NPAS3: variants seen among roughly 807,000 people sequenced by gnomAD.
NPAS3 encodes the protein neuronal PAS domain protein 3, also known as neuronal PAS domain-containing protein 3.
NPAS3 carries 14 observed loss-of-function variants against 73.1 expected under a neutral mutation model. The observed-to-expected ratio is 0.19, with a 90% CI of 0.13 to 0.30. The LOEUF is 0.30. NPAS3 is among the 10% of genes least tolerant of loss of function. The probability of loss-of-function intolerance (pLI) is 1.00; values close to 1 mark genes in which losing one functional copy is unlikely to be tolerated. For synonymous variants in NPAS3, 620 were observed against 541.5 expected, an observed-to-expected ratio of 1.14 and a Z score of -2.01; for missense variants, 1,096 against 1,250.0, an observed-to-expected ratio of 0.88 and a Z score of 1.86.
intron 1 of NPAS3, among the ~76,000 whole-genome samples, chr14:32,999,315 TC>T (rs2038712040): frequency 6.6e-6 from 1 of 152,120 alleles, no homozygotes; most frequent in Admixed American, 6.6e-5. Context: ...ATTGAGACCA[TC>T]CTGGCTAACA....
chr14:33,548,532 T>C (rs904982464), intron 4 of NPAS3, among the ~76,000 whole-genome samples: 148 of 152,342 alleles, frequency 9.7e-4, no homozygotes, highest in African/African-American at 3.4e-3. Flanking sequence ...ACCTAGATTA[T>C]TGGTACAGCA....
At chr14:33,454,394 G>A (rs1193743442) in intron 4 of NPAS3, among the ~76,000 whole-genome samples, 1 of 152,044 alleles carries the variant, frequency 6.6e-6, no homozygotes, top group African/African-American at 2.4e-5. Flanking sequence ...ACTTTCTGTG[G>A]CCCAACCATA....
intron 5 of NPAS3, among the ~76,000 whole-genome samples, chr14:33,648,285 C>T (rs1416484138): frequency 6.6e-6 from 1 of 152,192 alleles, no homozygotes; most frequent in African/African-American, 2.4e-5. Flanking sequence ...CATTCCATTT[C>T]AAATTGCTAC....
At chr14:33,345,894 T>C (rs974412896) in intron 3 of NPAS3, among the ~76,000 whole-genome samples, 1 of 152,180 alleles carries the variant, frequency 6.6e-6, no homozygotes, top group Non-Finnish European at 1.5e-5. Flanking sequence ...AAATTGATCA[T>C]TATCATCATC....
chr14:33,220,194 C>T (rs2047373405), intron 3 of NPAS3, among the ~76,000 whole-genome samples: 1 of 152,184 alleles, frequency 6.6e-6, no homozygotes, highest in Non-Finnish European at 1.5e-5. Flanking sequence ...TCAGTTCTTG[C>T]TTGACTCCTC....
At chr14:33,219,680 T>A (rs1226837915) in intron 3 of NPAS3, among the ~76,000 whole-genome samples, 1 of 152,192 alleles carries the variant, frequency 6.6e-6, no homozygotes, top group African/African-American at 2.4e-5. Flanking sequence ...ACATATTAGC[T>A]ATCCCTAGCC....
In NPAS3 at chr14:33,353,140, G is replaced by C. The variant is rs112281313; in HGVS notation, c.386-14046G>C. Among the ~76,000 whole-genome samples, 1,264 of 143,910 alleles carry C rather than the reference G, an allele frequency of 8.8e-3. 11 individuals carry two copies. The highest frequency in any genetic ancestry group is 0.031 in the African/African-American group (1,187 of 37,844). 94.4% of individuals were successfully genotyped at this position (143,910 alleles called of 152,430 possible). A position where few individuals can be genotyped will look rare whatever the true frequency, so the allele number is the denominator to read the frequency against. ...AGAAAGTTCAACCTCAGTGATGATG[G>C]AGGCAATGGCTTCTGTAAAAAAAAA... On this transcript the variant is annotated intron_variant, in intron 3 of 11. Coordinates refer to ENST00000356141, the Ensembl canonical transcript of NPAS3.
At chr14:33,301,099 C>G (rs2042511806) in intron 3 of NPAS3, among the ~76,000 whole-genome samples, 1 of 151,644 alleles carries the variant, frequency 6.6e-6, no homozygotes, top group Non-Finnish European at 1.5e-5. Context: ...CCTGGAGCAG[C>G]AGCTCCCAGA....
intron 3 of NPAS3, among the ~76,000 whole-genome samples, chr14:33,233,763 C>T (rs1027979974): frequency 6.6e-6 from 1 of 152,102 alleles, no homozygotes. Flanking sequence ...CTTAAGGGAA[C>T]TCAGTATTCG....
intron 2 of NPAS3, among the ~76,000 whole-genome samples, chr14:33,077,447 A>G (rs971752846): frequency 2.6e-5 from 4 of 152,128 alleles, no homozygotes; most frequent in Non-Finnish European, 4.4e-5. Context: ...ATTCTATTTT[A>G]TATTCTACTT....
intron 5 of NPAS3, among the ~76,000 whole-genome samples, chr14:33,573,393 T>C (rs2056306700): frequency 6.6e-6 from 1 of 152,152 alleles, no homozygotes; most frequent in Non-Finnish European, 1.5e-5. Flanking sequence ...GACCTACAAG[T>C]AGTAAGTCTC....
At chr14:32,939,569 G>A (rs1230577832) in intron 1 of NPAS3, among the ~76,000 whole-genome samples, 3 of 144,314 alleles carry the variant, frequency 2.1e-5, no homozygotes, top group African/African-American at 5.1e-5. Flanking sequence ...GGCGGCGGCC[G>A]GGCTCTCTGA....
At chr14:33,123,037 G>T (rs556579563) in intron 2 of NPAS3, among the ~76,000 whole-genome samples, 1 of 152,060 alleles carries the variant, frequency 6.6e-6, no homozygotes, top group South Asian at 2.1e-4. Context: ...GGAAATACTG[G>T]CCGGACTGTC....
chr14:33,625,724 C>T (rs1227886079), intron 5 of NPAS3, among the ~76,000 whole-genome samples: 3 of 152,082 alleles, frequency 2.0e-5, no homozygotes, highest in Non-Finnish European at 4.4e-5. Context: ...TAGTTCTTCA[C>T]CAAAGGTAAT....
At chr14:33,486,276 T>A (rs1225286293) in intron 4 of NPAS3, among the ~76,000 whole-genome samples, 1 of 152,044 alleles carries the variant, frequency 6.6e-6, no homozygotes, top group Admixed American at 6.6e-5. Flanking sequence ...TGTCCCCAAA[T>A]TTCTGCTGTA....
intron 3 of NPAS3, among the ~76,000 whole-genome samples, chr14:33,267,268 A>G (rs1010708317): frequency 1.3e-5 from 2 of 152,166 alleles, no homozygotes; most frequent in African/African-American, 2.4e-5. Flanking sequence ...TGTACTTTCT[A>G]TATATTTTAT....
intron 4 of NPAS3, among the ~76,000 whole-genome samples, chr14:33,383,327 A>G (rs2046639273): frequency 6.6e-6 from 1 of 152,162 alleles, no homozygotes; most frequent in African/African-American, 2.4e-5. Flanking sequence ...CAGATAATGC[A>G]TATAACTTCC....
chr14:33,171,267 C>A (rs1286255442), intron 2 of NPAS3, among the ~76,000 whole-genome samples: 1 of 152,184 alleles, frequency 6.6e-6, no homozygotes, highest in East Asian at 1.9e-4. Context: ...ATGGTGTAAA[C>A]ATTGTACCAT....
At chr14:33,742,169 C>T (rs1219743596) in intron 7 of NPAS3, among the ~76,000 whole-genome samples, 1 of 152,136 alleles carries the variant, frequency 6.6e-6, no homozygotes, top group Non-Finnish European at 1.5e-5. Context: ...AAGCACAGGT[C>T]ATTTTTCTTC....
Sources: allele counts gnomAD v4.1 joint callset (sites outside exome capture counted in the v4.1 genomes callset), GRCh38; gene constraint gnomAD v4.1.1; transcripts MANE v1.5; gene names NCBI Gene and HGNC (gene_info 2026-07-23, HGNC 2026-07-21).